Variants in PTDSS1 observed in about 807,000 individuals in gnomAD.
The protein encoded by PTDSS1 is phosphatidylserine synthase 1, also known as PSS-1.
In PTDSS1, 45 loss-of-function variants were observed where a neutral mutation model predicts 70.5. The observed-to-expected ratio is 0.64, with a 90% CI of 0.50 to 0.82. The LOEUF is 0.82. Among genes scored for constraint, PTDSS1 ranks in the 40% least tolerant of loss-of-function variants. The pLI, the probability that PTDSS1 is intolerant of heterozygous loss-of-function variation, is 0.00. For synonymous variants in PTDSS1, 188 were observed against 203.8 expected, an observed-to-expected ratio of 0.92 and a Z score of 0.66; for missense variants, 417 against 586.1, an observed-to-expected ratio of 0.71 and a Z score of 2.98.
In PTDSS1 at chr8:96,262,935, C is replaced by T. The variant is rs1810431524; in HGVS notation, c.179+716C>T. On this transcript the variant is annotated intron_variant, in intron 1 of 12. Transcript: ENST00000517309. This position sits in a 1 kb window ranked among gnomAD's most constrained non-coding sequence, Gnocchi z 4.4. ...TCCAGCACAGCCCAATACCCATCATCTGTGTACATGGCTGCACAGACACCA... is the reference window on the plus strand; with the variant it reads ...TCCAGCACAGCCCAATACCCATCATTTGTGTACATGGCTGCACAGACACCA... Among the ~76,000 whole-genome samples the T allele has an allele frequency of 1.3e-5, 2 of 152,204 alleles. No individual in the cohort carries two copies. Among genetic ancestry groups the T allele is most frequent in the African/African-American group, 4.8e-5 (2 of 41,432 alleles).
chr8:96,287,866 G>A (rs1472510983), intron 4 of PTDSS1, among the ~76,000 whole-genome samples: 1 of 152,098 alleles, frequency 6.6e-6, no homozygotes, highest in African/African-American at 2.4e-5. Context: ...ACACTTCTGT[G>A]ACCAGATGTG....
intron 3 of PTDSS1, among the ~76,000 whole-genome samples, chr8:96,285,604 A>G (rs536608638): frequency 6.4e-4 from 97 of 152,282 alleles, no homozygotes; most frequent in African/African-American, 2.0e-3. Flanking sequence ...CAAATGATCT[A>G]TGGTAGGTAG....
At chr8:96,313,122 C>T (rs1811235909) in intron 9 of PTDSS1, among the ~76,000 whole-genome samples, 1 of 152,190 alleles carries the variant, frequency 6.6e-6, no homozygotes, top group South Asian at 2.1e-4. Flanking sequence ...CAGCACTCCA[C>T]CCTTTTTCTC....
At chr8:96,309,502 G>C (rs1202208300) in intron 8 of PTDSS1, 55 bp from the exon 9 acceptor site, 2 of 1,500,484 alleles carry the variant, frequency 1.3e-6, no homozygotes, top group African/African-American at 2.8e-5. Flanking sequence ...TTAATTATGT[G>C]CTGACTTGCT....
rs543274204 is a variant in PTDSS1 at position 96,314,468 on chromosome 8, G to A, written c.1073+4846G>A. 1.2e-4 allele frequency among the ~76,000 whole-genome samples: 18 copies of A among 152,162 alleles called. No individual in the cohort carries two copies. In the South Asian group the frequency reaches 2.9e-3, roughly 25 times the overall value. ...CCCTTCCCAGCACAGGGGAGTCACC[G>A]CCGTCCTGCTGGTATAGCTTTATAG... On this transcript the variant is annotated intron_variant, in intron 9 of 12. Coordinates refer to ENST00000517309, the MANE Select transcript of PTDSS1 (RefSeq NM_014754.3).
intron 9 of PTDSS1, among the ~76,000 whole-genome samples, chr8:96,312,833 C>T (rs1428379680): frequency 1.3e-5 from 2 of 152,204 alleles, no homozygotes; most frequent in Non-Finnish European, 2.9e-5. Context: ...CCGGAGGCCA[C>T]CCACTTCCTT....
At chr8:96,327,741 A>G (rs901429424) in intron 10 of PTDSS1, among the ~76,000 whole-genome samples, 1 of 152,138 alleles carries the variant, frequency 6.6e-6, no homozygotes, top group East Asian at 1.9e-4. Flanking sequence ...GCTCATTACC[A>G]TAATGTAGAA....
At chr8:96,331,322 G>T (rs1811513338) in intron 12 of PTDSS1, among the ~76,000 whole-genome samples, 1 of 151,866 alleles carries the variant, frequency 6.6e-6, no homozygotes, top group Non-Finnish European at 1.5e-5. Flanking sequence ...GAGATCAGGA[G>T]TTCGAGACCA....
chr8:96,317,955 G>A (rs1025347253), intron 9 of PTDSS1, among the ~76,000 whole-genome samples: 5 of 151,798 alleles, frequency 3.3e-5, no homozygotes, highest in African/African-American at 1.2e-4. Flanking sequence ...AGTGAAAATT[G>A]TGTTTCTTGC....
In PTDSS1 at chr8:96,333,952, A is replaced by G; in HGVS notation, c.*386A>G. On this transcript the variant is annotated 3_prime_UTR_variant, in exon 13 of 13. Coordinates refer to ENST00000517309, the MANE Select transcript of PTDSS1 (RefSeq NM_014754.3). ...GAGGCATTAACCCCATGGTTAATGG[A>G]CTGGTCACCAGTTTTTATTTTATTT... The G allele has an allele frequency of 3.9e-6, 2 of 506,598 alleles. No individual in the cohort carries two copies. Among genetic ancestry groups the G allele is most frequent in the Non-Finnish European group, 7.0e-6 (2 of 286,298 alleles). The allele number at this position is 506,598 out of a possible 1,614,324, so 31.4% of individuals were successfully genotyped here.
chr8:96,282,326 G>A (rs1810750468), intron 2 of PTDSS1, among the ~76,000 whole-genome samples: 1 of 152,198 alleles, frequency 6.6e-6, no homozygotes, highest in South Asian at 2.1e-4. Context: ...AGGTGATGGT[G>A]TCACATTACC....
Position 96,331,014 on chromosome 8 carries a change from C to G in PTDSS1, c.1243-12C>G. The G allele has an allele frequency of 1.9e-6, 3 of 1,610,036 alleles. No individual in the cohort carries two copies. Among genetic ancestry groups the G allele is most frequent in the East Asian group, 2.2e-5 (1 of 44,830 alleles). ...CCTAAAATTCCTGCACTAAGCCTGT[C>G]TCTCTCCCTAGACCTACTCGGAGTG... On this transcript the variant is annotated splice_polypyrimidine_tract_variant and intron_variant, in intron 11 of 12. Transcript: ENST00000517309.
chr8:96,309,080 C>T (rs944038380), intron 8 of PTDSS1: 7 of 153,194 alleles, frequency 4.6e-5, no homozygotes, highest in African/African-American at 1.7e-4. Context: ...TCTCTGGAGT[C>T]ACCTCCATGG....
intron 9 of PTDSS1, among the ~76,000 whole-genome samples, chr8:96,313,947 G>T (rs1811247872): frequency 6.6e-6 from 1 of 152,066 alleles, no homozygotes; most frequent in South Asian, 2.1e-4. Context: ...CCCTTTGCTG[G>T]CTTCCCATTC....
At chr8:96,301,199 G>A (rs1289480264) in intron 6 of PTDSS1, among the ~76,000 whole-genome samples, 7 of 152,032 alleles carry the variant, frequency 4.6e-5, no homozygotes, top group African/African-American at 7.2e-5. Flanking sequence ...GTACAATCTC[G>A]GCTCGCTGCA....
chr8:96,323,391 C>T lies in PTDSS1; in HGVS notation c.1173+3046C>T, dbSNP rs143985409. 2.2e-3 allele frequency among the ~76,000 whole-genome samples: 336 copies of T among 152,338 alleles called. 1 individual carries two copies. The highest frequency in any genetic ancestry group is 7.6e-3 in the African/African-American group (317 of 41,582). On this transcript the variant is annotated intron_variant, in intron 10 of 12. Coordinates refer to ENST00000517309, the MANE Select transcript of PTDSS1 (RefSeq NM_014754.3). Reference sequence around the variant, plus strand: ...TTGCCTAGACTTCTAGGCAGTTCGCCGCATCCTTTGAAATCTAGGTGGAGG... The same window carrying T: ...TTGCCTAGACTTCTAGGCAGTTCGCTGCATCCTTTGAAATCTAGGTGGAGG...
intron 2 of PTDSS1, among the ~76,000 whole-genome samples, chr8:96,279,935 T>A (rs1302201564): frequency 6.6e-6 from 1 of 152,120 alleles, no homozygotes; most frequent in Non-Finnish European, 1.5e-5. Flanking sequence ...CTCTAACTAA[T>A]AATAATCAAA....
Position 96,288,601 on chromosome 8 carries a change from C to T in PTDSS1, c.441+1455C>T, listed in dbSNP as rs192381505. ...TCGGCCTCCTAGAGTGCTGGGATTA[C>T]AGGCATGAGCCACCACGCTTGGCCT... On this transcript the variant is annotated intron_variant, in intron 4 of 12. Coordinates refer to ENST00000517309, the MANE Select transcript of PTDSS1 (RefSeq NM_014754.3). Among the ~76,000 whole-genome samples the T allele has an allele frequency of 3.4e-5, 5 of 144,996 alleles. No individual in the cohort carries two copies. In the East Asian group the frequency reaches 8.3e-4, roughly 24 times the overall value.
chr8:96,324,122 C>T (rs1470546171), intron 10 of PTDSS1, among the ~76,000 whole-genome samples: 1 of 152,214 alleles, frequency 6.6e-6, no homozygotes, highest in Non-Finnish European at 1.5e-5. Flanking sequence ...ACTTTCCAAT[C>T]CTTGCTCCTC....
Sources: allele counts gnomAD v4.1 joint callset (sites outside exome capture counted in the v4.1 genomes callset), GRCh38; gene constraint gnomAD v4.1.1; non-coding constraint Gnocchi (gnomAD v3.1); transcripts MANE v1.5; gene names NCBI Gene and HGNC (gene_info 2026-07-23, HGNC 2026-07-21).